Variants in VWA8 observed in about 807,000 individuals in gnomAD.
The protein encoded by VWA8 is von Willebrand factor A domain containing 8, also known as von Willebrand factor A domain-containing protein 8.
In VWA8, 221 loss-of-function variants were observed where a neutral mutation model predicts 241.5. The ratio of observed to expected loss-of-function variants is 0.91; its 90% confidence interval spans 0.82 to 1.02. VWA8 has a LOEUF of 1.02. Among genes scored for constraint, VWA8 ranks in the 50% least tolerant of loss-of-function variants. The pLI is 0.00. For missense variants in VWA8, 2,322 were observed against 2,328.7 expected (o/e 1.00, Z 0.06); for synonymous variants, 852 against 827.1 (o/e 1.03, Z -0.52).
At chr13:41,720,591 C>T (rs1464644010) in intron 25 of VWA8, among the ~76,000 whole-genome samples, 1 of 152,070 alleles carries the variant, frequency 6.6e-6, no homozygotes, top group East Asian at 1.9e-4. Flanking sequence ...ATATACATTA[C>T]ATTGATATTA....
At position 41,587,571 on chromosome 13, in the gene VWA8, T is replaced by G; in HGVS notation, c.5212A>C (p.Thr1738Pro). 2 of 1,614,202 alleles carry G rather than the reference T, an allele frequency of 1.2e-6. No individual in the cohort carries two copies. The highest frequency in any genetic ancestry group is 1.3e-5 in the African/African-American group (1 of 75,058). The change falls in exon 42 of 45, where the codon ACA becomes CCA. Residue 1738 changes from threonine to proline, a missense_variant. By Grantham distance (38) the Thr-to-Pro change is conservative. Transcript: ENST00000379310. ...FNRMDGRLER[T>P]MEAVCMVMEA... ...ATGACCATACACACAGCCTCCATTG[T>G]GCGCTCAAGCCGGCCATCCATCCTG...
At chr13:41,703,461 T>G (rs375743137) in intron 26 of VWA8, 50 bp from the exon 27 acceptor site, 1 of 1,528,186 alleles carries the variant, frequency 6.5e-7, no homozygotes, top group Admixed American at 1.7e-5. Flanking sequence ...ACCCAAGTCA[T>G]AGAAAAAAAT....
intron 21 of VWA8, among the ~76,000 whole-genome samples, chr13:41,749,153 T>G (rs1293913591): frequency 6.6e-6 from 1 of 151,860 alleles, no homozygotes; most frequent in Admixed American, 6.6e-5. Context: ...AACTCAAATT[T>G]ACAAGAAAAA....
chr13:41,856,333 T>TCAAAA (rs753676900), intron 12 of VWA8, among the ~76,000 whole-genome samples: 95 of 151,978 alleles, frequency 6.3e-4, no homozygotes, highest in South Asian at 1.9e-3. Flanking sequence ...GAGACTTTGA[T>TCAAAA]CAAAACAAAA....
intron 27 of VWA8, among the ~76,000 whole-genome samples, chr13:41,702,183 T>C (rs1346688630): frequency 2.0e-5 from 3 of 152,196 alleles, no homozygotes; most frequent in Non-Finnish European, 4.4e-5. Context: ...AAGAATGCTA[T>C]AAATGTAAGC....
At chr13:41,622,470 C>T (rs1413822980) in intron 37 of VWA8, among the ~76,000 whole-genome samples, 3 of 152,164 alleles carry the variant, frequency 2.0e-5, no homozygotes, top group African/African-American at 4.8e-5. Context: ...GACATAAACA[C>T]TACTGAATTC....
At chr13:41,685,506 A>T (rs988809886) in intron 34 of VWA8, among the ~76,000 whole-genome samples, 1 of 152,118 alleles carries the variant, frequency 6.6e-6, no homozygotes, top group Non-Finnish European at 1.5e-5. Flanking sequence ...AAATACAAAA[A>T]TCAGCCAGAC....
intron 37 of VWA8, among the ~76,000 whole-genome samples, 183 bp downstream of exon 37, chr13:41,670,763 C>T (rs1044899752): frequency 6.6e-6 from 1 of 152,140 alleles, no homozygotes; most frequent in African/African-American, 2.4e-5. Context: ...CACATTTTTA[C>T]TTTTTCATCA....
Position 41,641,365 on chromosome 13 carries a change from A to G in VWA8, c.4612-26281T>C, listed in dbSNP as rs146468251. Reference sequence around the variant, plus strand: ...CAATTAAAACTAAAATATTAATTTTATGACAACTAATTAGTTTCCAAAATA... The same window carrying G: ...CAATTAAAACTAAAATATTAATTTTGTGACAACTAATTAGTTTCCAAAATA... On this transcript the variant is annotated intron_variant, in intron 37 of 44. Transcript: ENST00000379310. Among the ~76,000 whole-genome samples the G allele has an allele frequency of 5.3e-3, 810 of 152,362 alleles. 5 individuals carry two copies. Among genetic ancestry groups the G allele is most frequent in the African/African-American group, 0.019 (773 of 41,582 alleles).
chr13:41,587,585 C>T lies in VWA8; in HGVS notation c.5198G>A (p.Gly1733Asp). 6.2e-7 allele frequency: 1 copy of T among 1,614,216 alleles called. No homozygotes were observed. The highest frequency in any genetic ancestry group is 8.5e-7 in the Non-Finnish European group (1 of 1,180,042). Residue 1733 changes from glycine (G) to aspartate (D), a missense_variant, in exon 42 of 45, where the codon GGC (glycine) becomes GAC (aspartate). By Grantham distance (94) the Gly-to-Asp change is moderately conservative. Transcript: ENST00000379310. ...GSMYRFNRMDGRLERTMEAVC... is the reference protein window; with the variant it reads ...GSMYRFNRMDDRLERTMEAVC... ...AGCCTCCATTGTGCGCTCAAGCCGGCCATCCATCCTGTTGAAACGGTACAT... is the reference window on the plus strand; with the variant it reads ...AGCCTCCATTGTGCGCTCAAGCCGGTCATCCATCCTGTTGAAACGGTACAT...
chr13:41,611,773 T>C, intron 38 of VWA8, 41 bp from the exon 39 acceptor site: 14 of 1,610,144 alleles, frequency 8.7e-6, no homozygotes, highest in South Asian at 2.2e-5. Context: ...AAATCTGAAC[T>C]TGACCACAGA....
intron 34 of VWA8, among the ~76,000 whole-genome samples, chr13:41,688,815 C>G (rs943327161): frequency 6.6e-6 from 1 of 151,996 alleles, no homozygotes; most frequent in East Asian, 1.9e-4. Context: ...GATACTGACA[C>G]CTACTTGAGG....
At chr13:41,692,270 T>C (rs1032064740) in intron 30 of VWA8, among the ~76,000 whole-genome samples, 3 of 152,048 alleles carry the variant, frequency 2.0e-5, no homozygotes, top group African/African-American at 7.2e-5. Flanking sequence ...GTTTCTTATA[T>C]TAGGATACAT....
At chr13:41,847,831 G>C (rs1415677310) in intron 12 of VWA8, among the ~76,000 whole-genome samples, 2 of 152,198 alleles carry the variant, frequency 1.3e-5, no homozygotes, top group African/African-American at 2.4e-5. Context: ...ATTCTTAAGA[G>C]ATCACTCTAC....
chr13:41,906,453 A>C (rs1875724135), intron 4 of VWA8, among the ~76,000 whole-genome samples: 1 of 152,186 alleles, frequency 6.6e-6, no homozygotes, highest in Non-Finnish European at 1.5e-5. Context: ...ATGGGATCAC[A>C]GTATACATAC....
intron 12 of VWA8, among the ~76,000 whole-genome samples, chr13:41,846,921 C>T (rs927377524): frequency 2.0e-5 from 3 of 151,934 alleles, no homozygotes; most frequent in South Asian, 2.1e-4. Context: ...CCCAGCTACT[C>T]GGGAGGCTGA....
chr13:41,853,258 T>C (rs890093013), intron 12 of VWA8, among the ~76,000 whole-genome samples: 5 of 152,156 alleles, frequency 3.3e-5, no homozygotes, highest in Non-Finnish European at 7.4e-5. Context: ...TTGAGCATAA[T>C]GTTAGCTGTG....
intron 23 of VWA8, among the ~76,000 whole-genome samples, chr13:41,729,134 A>C (rs2045460526): frequency 6.6e-6 from 1 of 152,074 alleles, no homozygotes; most frequent in African/African-American, 2.4e-5. Flanking sequence ...TGTGTAATAT[A>C]CATGTCTTTA....
intron 2 of VWA8, among the ~76,000 whole-genome samples, chr13:41,932,313 C>T (rs1877162489): frequency 6.6e-6 from 1 of 152,040 alleles, no homozygotes; most frequent in South Asian, 2.1e-4. Context: ...ACTGAATTTA[C>T]AGTTAATAAC....
Sources: allele counts gnomAD v4.1 joint callset (sites outside exome capture counted in the v4.1 genomes callset), GRCh38; gene constraint gnomAD v4.1.1; transcripts MANE v1.5; gene names NCBI Gene and HGNC (gene_info 2026-07-23, HGNC 2026-07-21).